The following SCARA3 variants were observed in gnomAD, a reference collection of about 807,000 sequenced individuals.
SCARA3 encodes scavenger receptor class A member 3.
SCARA3 carries 39 observed loss-of-function variants against 47.0 expected under a neutral mutation model. The observed-to-expected ratio is 0.83, with a 90% CI of 0.64 to 1.08. SCARA3 has a LOEUF of 1.08. SCARA3 is among the 50% of genes least tolerant of loss of function. The pLI, the probability that SCARA3 is intolerant of heterozygous loss-of-function variation, is 0.00. For missense variants in SCARA3, 724 were observed against 792.3 expected, an observed-to-expected ratio of 0.91 and a Z score of 1.04; for synonymous variants, 356 against 334.1, an observed-to-expected ratio of 1.07 and a Z score of -0.71.
chr8:27,693,500 G>A, the SCARA3 span, among the ~76,000 whole-genome samples: 11 of 152,140 alleles, frequency 7.2e-5, 1 homozygote, highest in African/African-American at 2.7e-4. Context: ...AAAGAGTTCT[G>A]ATTTGAGCTG....
the SCARA3 span, among the ~76,000 whole-genome samples, chr8:27,717,123 C>T: frequency 2.0e-5 from 3 of 152,164 alleles, no homozygotes; most frequent in Non-Finnish European, 4.4e-5. Flanking sequence ...AGAAATGGGA[C>T]AGCTGGGTGT....
At chr8:27,729,178 A>G in the SCARA3 span, among the ~76,000 whole-genome samples, 221 of 152,324 alleles carry the variant, frequency 1.5e-3, 1 homozygote, top group African/African-American at 5.0e-3. Context: ...ATTGTTGAAG[A>G]AAGTGGGAGA....
intron 1 of SCARA3, among the ~76,000 whole-genome samples, chr8:27,647,991 C>T (rs1801543807): frequency 6.6e-6 from 1 of 152,302 alleles, no homozygotes; most frequent in Non-Finnish European, 1.5e-5. Context: ...CAATCATGGT[C>T]AGGAGCCCCC....
chr8:27,639,088 C>A (rs1024077924), intron 1 of SCARA3, among the ~76,000 whole-genome samples: 4 of 152,166 alleles, frequency 2.6e-5, no homozygotes, highest in Non-Finnish European at 5.9e-5. Flanking sequence ...CTGCAGGCAC[C>A]TTCTTCATGG....
At chr8:27,662,021 G>A (rs1174711806) in intron 5 of SCARA3, among the ~76,000 whole-genome samples, 4 of 152,182 alleles carry the variant, frequency 2.6e-5, no homozygotes, top group Non-Finnish European at 5.9e-5. Flanking sequence ...GGCATAAGGA[G>A]CTCAAAGTGG....
At position 27,659,577 on chromosome 8, in the gene SCARA3, C is replaced by T. The variant is rs184858390; in HGVS notation, c.1369+38C>T. 5.9e-5 allele frequency: 90 copies of T among 1,527,592 alleles called. No homozygotes were observed. In the Admixed American group the frequency reaches 1.6e-3, roughly 27 times the overall value. 94.6% of individuals were successfully genotyped at this position (1,527,592 alleles called of 1,614,324 possible). On this transcript the variant is annotated intron_variant, in intron 5 of 5. Transcript: ENST00000301904. ...TCCAGGTAGGGCTGCTACAAAGCTT[C>T]CACTGAGGCTTGGTGATCTTGCTGG...
At chr8:27,700,612 T>TA in the SCARA3 span, among the ~76,000 whole-genome samples, 36 of 146,924 alleles carry the variant, frequency 2.5e-4, no homozygotes, top group African/African-American at 7.3e-4. Flanking sequence ...ACCTCAAAAA[T>TA]AAAAAAAAAA....
At chr8:27,635,467 G>C (rs1801230408) in intron 1 of SCARA3, among the ~76,000 whole-genome samples, 1 of 152,114 alleles carries the variant, frequency 6.6e-6, no homozygotes, top group Non-Finnish European at 1.5e-5. Flanking sequence ...TTTTATTTTA[G>C]AGATAGGGAC....
the SCARA3 span, chr8:27,703,844 C>A: frequency 1.8e-5 from 1 of 54,552 alleles, no homozygotes; most frequent in African/African-American, 6.5e-5. Context: ...GTGCTTTCTA[C>A]TTTTTTTTTT....
chr8:27,681,125 A>G (rs1263509536), downstream of SCARA3, among the ~76,000 whole-genome samples: 1 of 152,232 alleles, frequency 6.6e-6, no homozygotes, highest in African/African-American at 2.4e-5. Flanking sequence ...CCAACATTGT[A>G]CTGGAGGCCC....
At chr8:27,660,845 GAT>G (rs1801896651) in intron 5 of SCARA3, among the ~76,000 whole-genome samples, 1 of 61,658 alleles carries the variant, frequency 1.6e-5, no homozygotes, top group Admixed American at 2.0e-4. Context: ...TAGCTAGCTA[GAT>G]AGATAGATAG....
Position 27,659,016 on chromosome 8 carries a change from C to T in SCARA3, c.846C>T (p.Thr282=), listed in dbSNP as rs144766635. 6 of 1,614,068 alleles carry T rather than the reference C, an allele frequency of 3.7e-6. No individual in the cohort carries two copies. The highest frequency in any genetic ancestry group is 5.1e-6 in the Non-Finnish European group (6 of 1,180,006). ...TGEAVKNIQA[T]LGASSQRISQ... is the part of the protein sequence containing the mutation. ...AGGCGGTCAAGAACATCCAGGCCAC[C>T]CTGGGGGCCTCCTCACAGCGCATCA... Residue 282 remains threonine (T), a synonymous_variant, in exon 5 of 6, where the codon ACC becomes ACT. Transcript: ENST00000301904.
the SCARA3 span, among the ~76,000 whole-genome samples, chr8:27,731,667 CT>C: frequency 1.5e-5 from 2 of 137,542 alleles, no homozygotes; most frequent in African/African-American, 5.3e-5. Context: ...AAAAAAAATG[CT>C]GTTTGGTAAC....
chr8:27,680,313 GA>G (rs1563418655), downstream of SCARA3, among the ~76,000 whole-genome samples: 1 of 151,632 alleles, frequency 6.6e-6, no homozygotes, highest in Non-Finnish European at 1.5e-5. Context: ...AATAAAATAA[GA>G]AACCCCTAGA....
At chr8:27,670,827 C>T in intron 5 of SCARA3, 73 bp from the exon 6 acceptor site, 1 of 1,317,010 alleles carries the variant, frequency 7.6e-7, no homozygotes, top group Non-Finnish European at 1.0e-6. Context: ...GCCGTGCCCG[C>T]TCTGCTCATG....
At chr8:27,719,241 G>A in the SCARA3 span, among the ~76,000 whole-genome samples, 1 of 152,126 alleles carries the variant, frequency 6.6e-6, no homozygotes. Flanking sequence ...GACATGGATG[G>A]AGCTGGAGGC....
At chr8:27,635,136 C>T (rs1801223119) in intron 1 of SCARA3, among the ~76,000 whole-genome samples, 2 of 152,212 alleles carry the variant, frequency 1.3e-5, no homozygotes, top group Admixed American at 6.5e-5. Flanking sequence ...ATCTACAGGG[C>T]TCTCAACCAC....
At chr8:27,723,433 C>T in the SCARA3 span, among the ~76,000 whole-genome samples, 4 of 152,192 alleles carry the variant, frequency 2.6e-5, no homozygotes, top group East Asian at 1.9e-4. Flanking sequence ...GTGAGCTTTT[C>T]GTCACGCACT....
chr8:27,698,234 G>T, the SCARA3 span, among the ~76,000 whole-genome samples: 1 of 151,756 alleles, frequency 6.6e-6, no homozygotes, highest in African/African-American at 2.4e-5. Flanking sequence ...GAGAGCAGCA[G>T]AAGTGGTAAA....
Sources: gnomAD v4.1 joint callset for allele counts (sites outside exome capture counted in the v4.1 genomes callset) on GRCh38, gnomAD v4.1.1 for gene constraint, MANE v1.5 for transcripts, NCBI Gene and HGNC (gene_info 2026-07-23, HGNC 2026-07-21) for gene names.